The following GOSR2 variants were observed in gnomAD, a reference collection of about 807,000 sequenced individuals.
GOSR2 encodes the protein 27 kDa Golgi SNARE protein.
In GOSR2, 20 loss-of-function variants were observed where a neutral mutation model predicts 27.9. The observed-to-expected ratio is 0.72, with a 90% CI of 0.50 to 1.04. The LOEUF (loss-of-function observed/expected upper bound fraction) is 1.04, where lower values mean the gene tolerates loss of function less well. GOSR2 is among the 50% of genes least tolerant of loss of function. GOSR2 has a pLI of 0.00. For missense variants in GOSR2, 261 were observed against 270.5 expected, an observed-to-expected ratio of 0.97 and a Z score of 0.25; for synonymous variants, 91 against 98.8, an observed-to-expected ratio of 0.92 and a Z score of 0.47.
intron 5 of GOSR2, 174 bp downstream of exon 5, chr17:46,935,343 A>C: frequency 6.8e-7 from 1 of 1,472,768 alleles, no homozygotes. Flanking sequence ...TGTGAGCCTG[A>C]AAGTACCCAG....
intron 6 of GOSR2, among the ~76,000 whole-genome samples, chr17:46,949,753 A>T (rs11079744): frequency 0.28 from 42,241 of 152,100 alleles, 6,762 homozygotes; most frequent in South Asian, 0.45. Flanking sequence ...GATGAGTCAG[A>T]CTGGAGCAGG....
intron 6 of GOSR2, among the ~76,000 whole-genome samples, chr17:46,947,681 C>T (rs2090016610): frequency 6.6e-6 from 1 of 152,160 alleles, no homozygotes; most frequent in South Asian, 2.1e-4. Context: ...CAAACCTCAG[C>T]GTCCTGTCTG....
Position 46,932,131 on chromosome 17 carries a change from C to G in GOSR2, c.268C>G (p.Arg90Gly). ...LQTALRNFQH[R>G]RHAREQQERQ... ...GACTGCGCTCAGAAACTTCCAGCAT[C>G]GGCGCCATGCAAGGGAGCAGCAGGA... is the stretch of plus-strand genomic sequence containing the variant. Residue 90 changes from arginine (R) to glycine (G), a missense_variant, in exon 4 of 6, where the codon CGG becomes GGG. By Grantham distance (125) the Arg-to-Gly change is moderately radical (BLOSUM62 -2). Transcript: ENST00000640051. The G allele has an allele frequency of 1.2e-6, 2 of 1,614,006 alleles. No individual in the cohort carries two copies. Among genetic ancestry groups the G allele is most frequent in the South Asian group, 1.1e-5 (1 of 91,074 alleles).
At chr17:46,936,633 G>A in intron 5 of GOSR2, 1 of 985,284 alleles carries the variant, frequency 1.0e-6, no homozygotes, top group East Asian at 1.1e-4. Context: ...ATTTGTGGCT[G>A]AAAATGAATA....
At chr17:46,932,035 T>G (rs1293180688) in intron 3 of GOSR2, 32 bp from the exon 4 acceptor site, 1 of 1,610,366 alleles carries the variant, frequency 6.2e-7, no homozygotes, top group South Asian at 1.1e-5. Flanking sequence ...CCTGAGTTCC[T>G]GGAATTTAAT....
At chr17:46,963,118 G>A (rs1306464183) in intron 6 of GOSR2, among the ~76,000 whole-genome samples, 2 of 152,190 alleles carry the variant, frequency 1.3e-5, no homozygotes, top group Non-Finnish European at 2.9e-5. Context: ...AGAGCTGAGG[G>A]ATGAAAAACA....
chr17:46,970,149 A>G (rs1344464097), downstream of GOSR2, among the ~76,000 whole-genome samples: 1 of 152,190 alleles, frequency 6.6e-6, no homozygotes, highest in African/African-American at 2.4e-5. Context: ...AGATCAGTAA[A>G]TGTGGTTCCA....
At chr17:46,928,763 A>G (rs1007733730) in intron 1 of GOSR2, among the ~76,000 whole-genome samples, 2 of 152,162 alleles carry the variant, frequency 1.3e-5, no homozygotes, top group Non-Finnish European at 2.9e-5. Flanking sequence ...CCTTTCAAGC[A>G]GCCCACCCTA....
intron 6 of GOSR2, chr17:46,952,524 A>G (rs2108922): frequency 0.96 from 145,431 of 152,278 alleles, 69,806 homozygotes; most frequent in East Asian, 1. Flanking sequence ...AGGTCACCCA[A>G]TTCTGGTCAA....
intron 6 of GOSR2, among the ~76,000 whole-genome samples, chr17:46,960,931 T>C (rs1397622593): frequency 6.6e-6 from 1 of 152,192 alleles, no homozygotes; most frequent in East Asian, 1.9e-4. Flanking sequence ...ACTCTAAGTA[T>C]TTGTCAAAAT....
chr17:46,935,614 T>G (rs2088184287), intron 5 of GOSR2: 1 of 1,054,462 alleles, frequency 9.5e-7, no homozygotes, highest in Non-Finnish European at 1.1e-6. Flanking sequence ...AGTAACTGAA[T>G]CCCCACTGTG....
downstream of GOSR2, among the ~76,000 whole-genome samples, chr17:46,944,305 A>G (rs1445336312): frequency 6.6e-6 from 1 of 152,262 alleles, no homozygotes; most frequent in Non-Finnish European, 1.5e-5. Flanking sequence ...CGCTGAGCCC[A>G]GGATGCAGAG....
chr17:46,966,565 A>G (rs748134511), exon 7 of GOSR2: 4 of 695,504 alleles, frequency 5.8e-6, no homozygotes, highest in Non-Finnish European at 1.0e-5. Flanking sequence ...CCCAGAATGG[A>G]CCCGAACTCC....
intron 6 of GOSR2, among the ~76,000 whole-genome samples, chr17:46,951,650 C>A (rs1295943212): frequency 6.6e-6 from 1 of 152,190 alleles, no homozygotes; most frequent in East Asian, 1.9e-4. Context: ...TGGAGAGCTT[C>A]CCCGTTCCCC....
At chr17:46,955,115 C>T (rs1251225946) in intron 6 of GOSR2, among the ~76,000 whole-genome samples, 1 of 152,014 alleles carries the variant, frequency 6.6e-6, no homozygotes, top group Non-Finnish European at 1.5e-5. Context: ...GGAATGCTTC[C>T]AGTTTTTGTC....
intron 1 of GOSR2, among the ~76,000 whole-genome samples, chr17:46,927,960 C>T (rs923799618): frequency 6.6e-5 from 10 of 152,128 alleles, no homozygotes; most frequent in Admixed American, 1.3e-4. Context: ...TCCTTAGAGT[C>T]CTAATTCTCC....
intron 6 of GOSR2, among the ~76,000 whole-genome samples, chr17:46,958,474 A>T (rs1417298501): frequency 6.6e-6 from 1 of 152,226 alleles, no homozygotes. Context: ...GACGGCAGGA[A>T]GCAAGGTGTC....
chr17:46,930,860 C>T, intron 2 of GOSR2: 1 of 463,442 alleles, frequency 2.2e-6, no homozygotes, highest in Non-Finnish European at 3.9e-6. Flanking sequence ...TTACCTTCAG[C>T]TTTTTTAAAA....
chr17:46,935,303 T>A, intron 5 of GOSR2, 134 bp downstream of exon 5: 2 of 1,547,576 alleles, frequency 1.3e-6, no homozygotes, highest in Non-Finnish European at 1.7e-6. Context: ...GCCCTTGAGT[T>A]TGGGATCCTT....
Sources: allele counts gnomAD v4.1 joint callset (sites outside exome capture counted in the v4.1 genomes callset), GRCh38; gene constraint gnomAD v4.1.1; transcripts MANE v1.5; gene names NCBI Gene and HGNC (gene_info 2026-07-23, HGNC 2026-07-21).